Variants in C10orf90 observed in about 807,000 individuals in gnomAD.
C10orf90 encodes the protein (E2-independent) E3 ubiquitin-conjugating enzyme FATS.
In C10orf90, 56 loss-of-function variants were observed where a neutral mutation model predicts 62.5. That is an observed-to-expected ratio of 0.90 (90% CI 0.72 to 1.12). The LOEUF (loss-of-function observed/expected upper bound fraction) is 1.12. Among genes scored for constraint, C10orf90 ranks in the 50% most tolerant of loss-of-function variants. C10orf90 has a pLI of 0.00. For missense variants in C10orf90, 970 were observed against 880.4 expected (o/e 1.10, Z -1.29); for synonymous variants, 386 against 340.4 (o/e 1.13, Z -1.47).
rs111670938 is a variant in C10orf90, at chr10:126,650,741, G to T, written c.241-4104C>A. Among the ~76,000 whole-genome samples, 250 of 152,300 alleles carry T rather than the reference G, an allele frequency of 1.6e-3. 2 individuals carry two copies. Among genetic ancestry groups the T allele is most frequent in the African/African-American group, 5.8e-3 (241 of 41,550 alleles). Reference sequence around the variant, plus strand: ...GATTCTCCAAATTCCCTGAAAGGTGGTGACTAGGACACATAGATTTTTAAA... The same window carrying T: ...GATTCTCCAAATTCCCTGAAAGGTGTTGACTAGGACACATAGATTTTTAAA... On this transcript the variant is annotated intron_variant, in intron 1 of 9. Transcript: ENST00000488181.
intron 2 of C10orf90, among the ~76,000 whole-genome samples, chr10:126,551,062 C>T (rs1864619379): frequency 1.3e-5 from 2 of 152,178 alleles, no homozygotes; most frequent in African/African-American, 4.8e-5. Flanking sequence ...GTTCTAAATA[C>T]ACAAATACTC....
chr10:126,538,786 T>C (rs993441025), intron 2 of C10orf90, among the ~76,000 whole-genome samples: 1 of 152,324 alleles, frequency 6.6e-6, no homozygotes, highest in African/African-American at 2.4e-5. Flanking sequence ...CTTAACCCTG[T>C]ACCATTCTAC....
At chr10:126,649,067 T>TCCCCCCCCC (rs1846234942) in intron 1 of C10orf90, among the ~76,000 whole-genome samples, 1 of 40,532 alleles carries the variant, frequency 2.5e-5, no homozygotes, top group Admixed American at 2.7e-4. Context: ...TCTCTCTCTC[T>TCCCCCCCCC]CTCTCCCCCC....
At chr10:126,566,326 T>A (rs2133998066) in intron 2 of C10orf90, among the ~76,000 whole-genome samples, 1 of 152,318 alleles carries the variant, frequency 6.6e-6, no homozygotes, top group East Asian at 1.9e-4. Context: ...CCCCTATGTG[T>A]CAGGCACTGT....
At chr10:126,626,128 CA>C (rs35587001) in intron 2 of C10orf90, among the ~76,000 whole-genome samples, 5,525 of 109,802 alleles carry the variant, frequency 0.05, 271 homozygotes, top group African/African-American at 0.17. Context: ...GATTCCATCT[CA>C]AAAAAAAAAA....
chr10:126,560,764 G>A (rs1471261583), intron 2 of C10orf90, among the ~76,000 whole-genome samples: 1 of 152,156 alleles, frequency 6.6e-6, no homozygotes, highest in Non-Finnish European at 1.5e-5. Flanking sequence ...TCTGCACCAT[G>A]GTGTGAGACC....
At chr10:126,525,674 G>A (rs1157513625) in intron 2 of C10orf90, among the ~76,000 whole-genome samples, 2 of 152,064 alleles carry the variant, frequency 1.3e-5, no homozygotes, top group South Asian at 2.1e-4. Context: ...TAGCATCAAA[G>A]GAAAAACCCA....
At chr10:126,649,038 C>CTGTCTCTG (rs1379639390) in intron 1 of C10orf90, among the ~76,000 whole-genome samples, 1 of 20,302 alleles carries the variant, frequency 4.9e-5, no homozygotes, top group Non-Finnish European at 1.1e-4. Context: ...GTCTCTGTCT[C>CTGTCTCTG]TCTCTCTCTC....
At chr10:126,550,417 C>A (rs149281856) in intron 2 of C10orf90, among the ~76,000 whole-genome samples, 2 of 152,130 alleles carry the variant, frequency 1.3e-5, no homozygotes, top group Non-Finnish European at 2.9e-5. Flanking sequence ...CTTGAGTATA[C>A]CAATGGCAGT....
intron 2 of C10orf90, among the ~76,000 whole-genome samples, chr10:126,524,030 G>T (rs1863858636): frequency 2.0e-5 from 3 of 152,178 alleles, no homozygotes; most frequent in Admixed American, 2.0e-4. Flanking sequence ...GAACATGGTT[G>T]TACAAACATG....
intron 2 of C10orf90, among the ~76,000 whole-genome samples, chr10:126,583,230 G>A (rs990086371): frequency 1.3e-5 from 2 of 152,222 alleles, no homozygotes; most frequent in Admixed American, 6.5e-5. Flanking sequence ...ACACTTTGGT[G>A]TGTATGTGCA....
At chr10:126,433,698 A>G (rs1857729639) in intron 7 of C10orf90, among the ~76,000 whole-genome samples, 1 of 152,222 alleles carries the variant, frequency 6.6e-6, no homozygotes, top group Non-Finnish European at 1.5e-5. Context: ...ACCAACCTGC[A>G]TGAGCTTTGT....
intron 2 of C10orf90, among the ~76,000 whole-genome samples, chr10:126,517,870 A>G (rs1214063049): frequency 2.1e-5 from 3 of 144,148 alleles, no homozygotes; most frequent in Non-Finnish European, 4.5e-5. Context: ...AGATCACGCC[A>G]TCGCACTCCA....
intron 2 of C10orf90, among the ~76,000 whole-genome samples, chr10:126,632,192 T>C (rs1252417347): frequency 1.3e-5 from 2 of 151,962 alleles, no homozygotes; most frequent in Non-Finnish European, 2.9e-5. Flanking sequence ...CACCCTCTAA[T>C]GTTGCCACAC....
intron 2 of C10orf90, among the ~76,000 whole-genome samples, chr10:126,571,228 T>G (rs1779441767): frequency 6.6e-6 from 1 of 152,122 alleles, no homozygotes; most frequent in African/African-American, 2.4e-5. Flanking sequence ...TAGAAGTGAG[T>G]GTAATGCAGT....
chr10:126,585,670 A>G lies in C10orf90; in HGVS notation c.313+60895T>C, dbSNP rs75498692. Reference sequence around the variant, plus strand: ...GATTCAGCATGTATGAGTCAAGAGTAAAGAATAGAGAGCATTCCACTGGAC... The same window carrying G: ...GATTCAGCATGTATGAGTCAAGAGTGAAGAATAGAGAGCATTCCACTGGAC... On this transcript the variant is annotated intron_variant, in intron 2 of 9. Coordinates refer to ENST00000488181, the MANE Select transcript of C10orf90 (RefSeq NM_001350921.2). Among the ~76,000 whole-genome samples the G allele has an allele frequency of 6.7e-3, 1,016 of 152,262 alleles. 10 individuals carry two copies. Among genetic ancestry groups the G allele is most frequent in the African/African-American group, 0.022 (902 of 41,552 alleles).
rs139067811 is a variant in C10orf90 at position 126,529,165 on chromosome 10, T to C, written c.314-15226A>G. The stretch of plus-strand genomic sequence containing the variant: ...ATTACGCTGGGACAATTAGCTACCA[T>C]TATTTTAAAAACCAAAATTAGACAC... On this transcript the variant is annotated intron_variant, in intron 2 of 9. Coordinates refer to ENST00000488181, the MANE Select transcript of C10orf90 (RefSeq NM_001350921.2). Among the ~76,000 whole-genome samples, 836 of 152,322 alleles carry C rather than the reference T, an allele frequency of 5.5e-3. 11 individuals are homozygous for C. Among genetic ancestry groups the C allele is most frequent in the Non-Finnish European group, 6.1e-3 (418 of 68,038 alleles).
intron 2 of C10orf90, among the ~76,000 whole-genome samples, chr10:126,592,464 T>C (rs534121639): frequency 1.5e-4 from 23 of 152,290 alleles, no homozygotes; most frequent in East Asian, 1.3e-3. Context: ...ATTTAATAAA[T>C]GGTGCTGGGA....
chr10:126,634,027 G>A (rs1261589722), intron 2 of C10orf90, among the ~76,000 whole-genome samples: 1 of 152,148 alleles, frequency 6.6e-6, no homozygotes, highest in Non-Finnish European at 1.5e-5. Context: ...GCACACTGTT[G>A]GTGGGAATGT....
Sources: allele counts gnomAD v4.1 joint callset (sites outside exome capture counted in the v4.1 genomes callset), GRCh38; gene constraint gnomAD v4.1.1; transcripts MANE v1.5; gene names NCBI Gene and HGNC (gene_info 2026-07-23, HGNC 2026-07-21).